The following DMD variants were observed in gnomAD, a reference collection of about 807,000 sequenced individuals.
The protein encoded by DMD is mutant dystrophin.
DMD carries 63 observed loss-of-function variants against 330.1 expected under a neutral mutation model. The observed-to-expected ratio is 0.19, with a 90% confidence interval of 0.16 to 0.24. The LOEUF is 0.24. Among genes scored for constraint, DMD ranks in the 10% least tolerant of loss-of-function variants. DMD has a pLI of 1.00. For missense variants in DMD, 3,344 were observed against 2,684.1 expected, an observed-to-expected ratio of 1.25 and a Z score of -5.43; for synonymous variants, 1,223 against 959.8, an observed-to-expected ratio of 1.27 and a Z score of -5.07.
chrX:32,683,856 T>A (rs1022495885), intron 9 of DMD, among the ~76,000 whole-genome samples: 3 of 109,921 alleles, frequency 2.7e-5, no homozygotes, highest in Non-Finnish European at 3.8e-5. Flanking sequence ...TGAGACATAT[T>A]GCCTCAATAT....
intron 1 of DMD, among the ~76,000 whole-genome samples, chrX:33,129,543 CT>C (rs774057373): frequency 9.4e-6 from 1 of 106,840 alleles, no homozygotes; most frequent in East Asian, 2.9e-4. Flanking sequence ...AAACCCACAC[CT>C]TGTTTTCTTT....
At chrX:33,240,939 C>T (rs1464604160) in intron 1 of DMD, among the ~76,000 whole-genome samples, 1 of 112,054 alleles carries the variant, frequency 8.9e-6, no homozygotes, top group Non-Finnish European at 1.9e-5. Context: ...GTTTGAGTTA[C>T]TGATCTATTT....
At chrX:31,954,530 A>G (rs775098188) in intron 45 of DMD, among the ~76,000 whole-genome samples, 2 of 111,945 alleles carry the variant, frequency 1.8e-5, no homozygotes, top group Admixed American at 9.5e-5. Context: ...TGATATATAT[A>G]TATGCACCAT....
At chrX:31,845,695 C>T (rs2093415368) in intron 48 of DMD, among the ~76,000 whole-genome samples, 2 of 110,006 alleles carry the variant, frequency 1.8e-5, no homozygotes, top group Admixed American at 9.8e-5. Context: ...ACTGGCAGGA[C>T]TTGATGGGGA....
chrX:33,125,526 C>T (rs954202461), intron 1 of DMD, among the ~76,000 whole-genome samples: 3 of 111,217 alleles, frequency 2.7e-5, no homozygotes, highest in Admixed American at 1.9e-4. Flanking sequence ...TTAATCTAAA[C>T]GTTGCGCCCC....
chrX:32,875,660 T>G (rs2083318050), intron 2 of DMD, among the ~76,000 whole-genome samples: 1 of 112,258 alleles, frequency 8.9e-6, no homozygotes, highest in Non-Finnish European at 1.9e-5. Flanking sequence ...TACTTTAAAA[T>G]TAGTCAAAGC....
intron 51 of DMD, among the ~76,000 whole-genome samples, chrX:31,747,850 T>C (rs1603458861): frequency 8.9e-6 from 1 of 112,288 alleles, no homozygotes; most frequent in African/African-American, 3.2e-5. Context: ...AGGTTTCTCA[T>C]TATGAACAAT....
At chrX:31,912,857 A>T (rs2094563744) in intron 47 of DMD, among the ~76,000 whole-genome samples, 1 of 112,680 alleles carries the variant, frequency 8.9e-6, no homozygotes, top group African/African-American at 3.2e-5. Flanking sequence ...GAACTTGGCC[A>T]TATGCCTGGC....
intron 4 of DMD, among the ~76,000 whole-genome samples, chrX:32,836,711 C>T (rs895483974): frequency 9.0e-6 from 1 of 111,649 alleles, no homozygotes; most frequent in Non-Finnish European, 1.9e-5. Context: ...TTTTCCTTCA[C>T]AAATGTAGTT....
At chrX:31,168,874 T>C (rs1241048789) in intron 74 of DMD, among the ~76,000 whole-genome samples, 1 of 112,097 alleles carries the variant, frequency 8.9e-6, no homozygotes, top group African/African-American at 3.2e-5. Context: ...CTTTAGCCTT[T>C]TTCTCTTCTA....
Position 32,389,522 on chromosome X carries a change from C to T in DMD, c.4497G>A (p.Gln1499=), listed in dbSNP as rs1417062461. 3.3e-6 allele frequency: 4 copies of T among 1,209,601 alleles called. No homozygotes were observed. The highest frequency in any genetic ancestry group is 1.7e-5 in the African/African-American group (1 of 57,201). The change falls in exon 32 of 79, where the codon CAG becomes CAA. Residue 1499 remains glutamine (Q), a synonymous_variant. Transcript: ENST00000357033. ...ETKSVEQEVV[Q]SQLNHCVNLY... is the part of the protein sequence containing the mutation. ...ATACCACACAATGATTTAGCTGTGA[C>T]TGTACTACTTCCTGTTCCACACTCT...
Position 31,120,631 on chromosome X carries a change from A to AGAG in DMD, c.*1285_*1287dup, listed in dbSNP as rs1465580352. On this transcript the variant is annotated 3_prime_UTR_variant, in exon 79 of 79. Transcript: ENST00000357033. ...GGCATAATAATTTAGTTGTAATTAC[A>AGAG]GAGAACTTTATGTATTATGAACAAT... 4.5e-5 allele frequency: 5 copies of AGAG among 112,162 alleles called. No homozygotes were observed. The highest frequency in any genetic ancestry group is 9.4e-5 in the Non-Finnish European group (5 of 53,232). The allele number at this position is 112,162 out of a possible 1,213,427, so 9.2% of individuals were successfully genotyped here. A position where few individuals can be genotyped will look rare whatever the true frequency, so the allele number is the denominator to read the frequency against.
intron 2 of DMD, among the ~76,000 whole-genome samples, chrX:32,944,471 A>G (rs1360334000): frequency 8.9e-6 from 1 of 111,806 alleles, no homozygotes; most frequent in East Asian, 2.8e-4. Flanking sequence ...GCCTTTTAAC[A>G]TGATTATCAA....
chrX:32,475,205 T>C (rs1410354809), intron 21 of DMD, among the ~76,000 whole-genome samples: 3 of 111,498 alleles, frequency 2.7e-5, no homozygotes, highest in Non-Finnish European at 5.7e-5. Context: ...TTCTGTTCTG[T>C]TGGTCTATGT....
chrX:31,701,989 G>C (rs754007094), intron 52 of DMD, among the ~76,000 whole-genome samples: 2 of 112,735 alleles, frequency 1.8e-5, no homozygotes, highest in Non-Finnish European at 3.7e-5. Flanking sequence ...GGTGATAGCA[G>C]TGACCTTAAA....
At chrX:32,819,026 T>TTTC (rs1557054539) in intron 5 of DMD, among the ~76,000 whole-genome samples, 10 of 103,931 alleles carry the variant, frequency 9.6e-5, no homozygotes, top group Admixed American at 3.1e-4. Context: ...TTTTTTTTTT[T>TTTC]CCAGGGCATG....
intron 41 of DMD, among the ~76,000 whole-genome samples, chrX:32,336,092 G>T (rs1042432467): frequency 9.3e-6 from 1 of 107,467 alleles, no homozygotes; most frequent in Non-Finnish European, 1.9e-5. Context: ...TATATATAAC[G>T]TGTGTATACG....
chrX:31,664,529 CTT>C (rs57706460), intron 53 of DMD, among the ~76,000 whole-genome samples: 6 of 63,751 alleles, frequency 9.4e-5, no homozygotes, highest in Non-Finnish European at 1.7e-4. Context: ...AGTGTTCAAG[CTT>C]TTTTTTTTTT....
intron 1 of DMD, among the ~76,000 whole-genome samples, chrX:33,192,438 C>T (rs1363562375): frequency 7.1e-5 from 8 of 112,222 alleles, no homozygotes; most frequent in Non-Finnish European, 1.5e-4. Flanking sequence ...ACGAGAAATA[C>T]ACACCTAACT....
Sources: allele counts gnomAD v4.1 joint callset (sites outside exome capture counted in the v4.1 genomes callset), GRCh38; gene constraint gnomAD v4.1.1; transcripts MANE v1.5; gene names NCBI Gene and HGNC (gene_info 2026-07-23, HGNC 2026-07-21).